The following SV2C variants were observed in gnomAD, a reference collection of about 807,000 sequenced individuals.
The protein encoded by SV2C is synaptic vesicle glycoprotein 2C, also known as solute carrier family 22 member B3.
A neutral mutation model predicts 79.7 loss-of-function variants in SV2C; 49 were observed. The ratio of observed to expected loss-of-function variants is 0.61; its 90% confidence interval spans 0.49 to 0.78. SV2C has a LOEUF of 0.78. SV2C is among the 30% of genes least tolerant of loss of function. The pLI is 0.00. For missense variants in SV2C, 833 were observed against 912.9 expected, an observed-to-expected ratio of 0.91 and a Z score of 1.13; for synonymous variants, 334 against 333.2, an observed-to-expected ratio of 1.00 and a Z score of -0.03.
chr5:75,934,721 G>A, the SV2C span, among the ~76,000 whole-genome samples: 1 of 152,010 alleles, frequency 6.6e-6, no homozygotes, highest in Non-Finnish European at 1.5e-5. Context: ...TATTAATTTC[G>A]CTTTTGAGTT....
the SV2C span, among the ~76,000 whole-genome samples, chr5:75,954,932 G>A: frequency 1.0e-3 from 155 of 148,082 alleles, no homozygotes; most frequent in Non-Finnish European, 1.3e-3. Flanking sequence ...ATGCTCATGG[G>A]TAGGAAGAAT....
chr5:75,994,497 T>C, the SV2C span, among the ~76,000 whole-genome samples: 1 of 151,808 alleles, frequency 6.6e-6, no homozygotes, highest in African/African-American at 2.4e-5. Flanking sequence ...CTTGAACAAG[T>C]AACTGGACCT....
At chr5:76,163,746 A>G (rs1428448456) in intron 2 of SV2C, among the ~76,000 whole-genome samples, 1 of 152,260 alleles carries the variant, frequency 6.6e-6, no homozygotes, top group African/African-American at 2.4e-5. Context: ...ATGCCCCATC[A>G]TTATAAATGT....
chr5:76,244,391 C>T (rs1376575379), intron 4 of SV2C, among the ~76,000 whole-genome samples: 1 of 152,086 alleles, frequency 6.6e-6, no homozygotes, highest in Non-Finnish European at 1.5e-5. Flanking sequence ...TTGGTCTTGC[C>T]CAGTGCTGTC....
At chr5:75,911,781 GC>G in the SV2C span, 2 of 591,970 alleles carry the variant, frequency 3.4e-6, no homozygotes, top group Non-Finnish European at 6.6e-6. Flanking sequence ...GCCAAGACCA[GC>G]TTTAAGTCTC....
chr5:75,999,906 A>G, the SV2C span, among the ~76,000 whole-genome samples: 3 of 152,086 alleles, frequency 2.0e-5, no homozygotes, highest in Non-Finnish European at 4.4e-5. Flanking sequence ...CAGAGAGGCA[A>G]TATCTTTTAT....
chr5:76,299,755 TCTAC>T (rs1747917719), intron 10 of SV2C, among the ~76,000 whole-genome samples: 3 of 152,230 alleles, frequency 2.0e-5, no homozygotes, highest in Non-Finnish European at 4.4e-5. Flanking sequence ...AGCAATGCTA[TCTAC>T]CTGTCTTCTA....
At chr5:75,866,314 C>T in the SV2C span, among the ~76,000 whole-genome samples, 1 of 152,086 alleles carries the variant, frequency 6.6e-6, no homozygotes, top group African/African-American at 2.4e-5. Flanking sequence ...AACTGTTATG[C>T]AATCTGATAC....
chr5:75,900,811 C>T, the SV2C span, among the ~76,000 whole-genome samples: 9 of 152,028 alleles, frequency 5.9e-5, no homozygotes, highest in African/African-American at 2.2e-4. Flanking sequence ...TCTAAACTTC[C>T]CTTCTCACTT....
At chr5:76,135,314 C>T (rs1201602150) in intron 2 of SV2C, among the ~76,000 whole-genome samples, 1 of 152,162 alleles carries the variant, frequency 6.6e-6, no homozygotes, top group Non-Finnish European at 1.5e-5. Flanking sequence ...TGGGCTATTC[C>T]CCATTTGAGC....
chr5:76,221,590 C>G (rs11739821), intron 4 of SV2C, among the ~76,000 whole-genome samples: 43,264 of 152,056 alleles, frequency 0.28, 6,933 homozygotes, highest in Middle Eastern at 0.39. Flanking sequence ...GGAGGAGAAT[C>G]TGGGCCCATT....
intron 12 of SV2C, among the ~76,000 whole-genome samples, chr5:76,303,755 G>A (rs1258833962): frequency 6.6e-6 from 1 of 152,156 alleles, no homozygotes; most frequent in Non-Finnish European, 1.5e-5. Context: ...AAAAACAAAT[G>A]TTGCTTATTT....
intron 4 of SV2C, among the ~76,000 whole-genome samples, chr5:76,264,277 T>C (rs1746574900): frequency 6.6e-6 from 1 of 151,992 alleles, no homozygotes; most frequent in Non-Finnish European, 1.5e-5. Context: ...GTTTTTCAGC[T>C]CCAACAGGCC....
chr5:76,325,669 G>C lies in SV2C; in HGVS notation c.*122G>C. ...TGATCAAGTATCAGAACATAAACAC[G>C]TGCTGTGACTTAAAATTTAGAAGCA... On this transcript the variant is annotated 3_prime_UTR_variant, in exon 13 of 13. Transcript: ENST00000502798. 7.4e-7 allele frequency: 1 copy of C among 1,359,332 alleles called. No individual in the cohort carries two copies. Among genetic ancestry groups the C allele is most frequent in the Middle Eastern group, 2.7e-4 (1 of 3,700 alleles). 84.2% of individuals were successfully genotyped at this position (1,359,332 alleles called of 1,614,324 possible).
chr5:75,861,439 A>G, the SV2C span, among the ~76,000 whole-genome samples: 1 of 152,224 alleles, frequency 6.6e-6, no homozygotes, highest in South Asian at 2.1e-4. Context: ...CTTAAAACAG[A>G]ACTACCATTC....
At chr5:76,096,752 T>A (rs1255974893) in intron 1 of SV2C, among the ~76,000 whole-genome samples, 1 of 152,176 alleles carries the variant, frequency 6.6e-6, no homozygotes, top group Non-Finnish European at 1.5e-5. Flanking sequence ...ATTGGCAGAC[T>A]GAGCAAAGCA....
At chr5:75,911,671 A>C in the SV2C span, 4 of 696,010 alleles carry the variant, frequency 5.7e-6, no homozygotes, top group Admixed American at 3.6e-5. Context: ...CACTTTTCCC[A>C]CCTTAATGAC....
At chr5:75,984,621 A>G in the SV2C span, among the ~76,000 whole-genome samples, 348 of 149,660 alleles carry the variant, frequency 2.3e-3, 2 homozygotes, top group Middle Eastern at 3.4e-3. Context: ...CTATCTATCT[A>G]TCATCTATCT....
intron 12 of SV2C, among the ~76,000 whole-genome samples, chr5:76,306,936 C>T (rs1183140183): frequency 6.6e-6 from 1 of 152,158 alleles, no homozygotes; most frequent in Non-Finnish European, 1.5e-5. Context: ...GGGGTTACTG[C>T]TGAGTCTGTT....
Sources: allele counts gnomAD v4.1 joint callset (sites outside exome capture counted in the v4.1 genomes callset), GRCh38; gene constraint gnomAD v4.1.1; transcripts MANE v1.5; gene names NCBI Gene and HGNC (gene_info 2026-07-23, HGNC 2026-07-21).